The following ERAP2 variants were observed in gnomAD, a reference collection of about 807,000 sequenced individuals.
The protein encoded by ERAP2 is endoplasmic reticulum aminopeptidase 2, also known as leukocyte-derived arginine aminopeptidase.
ERAP2 carries 118 observed loss-of-function variants against 111.1 expected under a neutral mutation model. The ratio of observed to expected loss-of-function variants is 1.06; its 90% CI spans 0.92 to 1.24. The LOEUF (loss-of-function observed/expected upper bound fraction) is 1.24, where lower values mean the gene tolerates loss of function less well. Ranked by LOEUF, ERAP2 falls within the 50% of genes most tolerant of loss-of-function variation. The probability of loss-of-function intolerance (pLI) is 0.00; values close to 1 mark genes in which losing one functional copy is unlikely to be tolerated. For missense variants in ERAP2, 1,131 were observed against 1,125.8 expected (o/e 1.00, Z -0.07); for synonymous variants, 410 against 401.2 (o/e 1.02, Z -0.26).
rs150362528 is a variant in ERAP2 at position 96,878,621 on chromosome 5, T to C, written c.-122-943T>C. On this transcript the variant is annotated intron_variant, in intron 1 of 18. Transcript: ENST00000437043. ...CCAGCCTGGGCAACATGGTGACACA[T>C]TGTCTTTCAAAAAAAATAAAATATG... 9.1e-3 allele frequency among the ~76,000 whole-genome samples: 1,380 copies of C among 151,610 alleles called. 24 individuals carry two copies. Among genetic ancestry groups the C allele is most frequent in the African/African-American group, 0.031 (1,298 of 41,326 alleles).
At chr5:96,913,869 G>T (rs1415898589) in intron 17 of ERAP2, among the ~76,000 whole-genome samples, 5 of 152,156 alleles carry the variant, frequency 3.3e-5, no homozygotes, top group African/African-American at 1.2e-4. Flanking sequence ...AGGAATTTTG[G>T]TAAGAGCTAC....
At chr5:96,877,962 C>T (rs559514413) in intron 1 of ERAP2, among the ~76,000 whole-genome samples, 18 of 152,230 alleles carry the variant, frequency 1.2e-4, no homozygotes, top group African/African-American at 4.3e-4. Flanking sequence ...TGCTGCAGAA[C>T]TTGTTAAGGA....
chr5:96,902,373 AACAGG>A lies in ERAP2; in HGVS notation c.1828+21_1828+25del. ...AGACAGGTAATGAACTAATTAGCCA[AACAGG>A]TATTTCAATGTGGAAATTAAACATG... On this transcript the variant is annotated intron_variant, in intron 12 of 18. Coordinates refer to ENST00000437043, the MANE Select transcript of ERAP2 (RefSeq NM_022350.5). 6.7e-7 allele frequency: 1 copy of A among 1,489,250 alleles called. No individual in the cohort carries two copies. Among genetic ancestry groups the A allele is most frequent in the Admixed American group, 1.7e-5 (1 of 59,746 alleles). The allele number at this position is 1,489,250 out of a possible 1,614,324, so 92.3% of individuals were successfully genotyped here.
chr5:96,890,545 C>A (rs1268613265), intron 5 of ERAP2, among the ~76,000 whole-genome samples: 2 of 152,184 alleles, frequency 1.3e-5, no homozygotes. Context: ...AGTTTCATAG[C>A]ATATAAAGAT....
chr5:96,879,080 G>A (rs1782872384), intron 1 of ERAP2, among the ~76,000 whole-genome samples: 1 of 152,114 alleles, frequency 6.6e-6, no homozygotes, highest in South Asian at 2.1e-4. Context: ...GTAGCCGAGT[G>A]TGGCGGTGTG....
intron 6 of ERAP2, among the ~76,000 whole-genome samples, chr5:96,894,792 C>T (rs1581841402): frequency 6.6e-6 from 1 of 152,124 alleles, no homozygotes; most frequent in East Asian, 1.9e-4. Flanking sequence ...TTATGATTCT[C>T]CTAAGTACCT....
At chr5:96,904,959 T>C (rs1315797718) in intron 13 of ERAP2, among the ~76,000 whole-genome samples, 1 of 152,192 alleles carries the variant, frequency 6.6e-6, no homozygotes, top group African/African-American at 2.4e-5. Context: ...CACTTACTAA[T>C]TTTTTGAGCT....
chr5:96,895,346 C>A lies in ERAP2; in HGVS notation c.1226C>A (p.Pro409Gln). Residue 409 changes from proline (P) to glutamine (Q), a missense_variant, in exon 7 of 19, where the codon CCA becomes CAA. Pro to Gln is a moderately conservative substitution (Grantham distance 76, BLOSUM62 -1). Transcript: ENST00000437043. ...MELIAVNATY[P>Q]ELQFDDYFLN... is the part of the protein sequence containing the mutation. ...CTTATCGCTGTTAATGCTACATATC[C>A]AGAGCTGCAATTTGTAAGTTCACAA... 6.2e-7 allele frequency: 1 copy of A among 1,606,458 alleles called. No homozygotes were observed. Among genetic ancestry groups the A allele is most frequent in the African/African-American group, 1.3e-5 (1 of 74,782 alleles).
chr5:96,899,220 T>A (rs1429008547), intron 9 of ERAP2, among the ~76,000 whole-genome samples: 1 of 109,632 alleles, frequency 9.1e-6, no homozygotes, highest in African/African-American at 3.5e-5. Flanking sequence ...AAATCAGTAC[T>A]TAAAATTTGT....
chr5:96,905,840 T>G (rs1786011384), intron 13 of ERAP2, among the ~76,000 whole-genome samples: 1 of 152,108 alleles, frequency 6.6e-6, no homozygotes, highest in African/African-American at 2.4e-5. Context: ...CCAGCCTGGG[T>G]GACCGAATAA....
intron 13 of ERAP2, among the ~76,000 whole-genome samples, chr5:96,904,941 T>C (rs1373192725): frequency 6.6e-6 from 1 of 152,204 alleles, no homozygotes; most frequent in Non-Finnish European, 1.5e-5. Context: ...TTTCAGGTAT[T>C]ACCTCTTCAC....
At chr5:96,903,243 A>C (rs1785673570) in intron 12 of ERAP2, 134 bp from the exon 13 acceptor site, 1 of 642,016 alleles carries the variant, frequency 1.6e-6, no homozygotes, top group Admixed American at 3.4e-5. Context: ...TACGAAAATG[A>C]ATATCATTAT....
At chr5:96,887,590 G>A (rs1025740823) in intron 4 of ERAP2, among the ~76,000 whole-genome samples, 5 of 151,996 alleles carry the variant, frequency 3.3e-5, no homozygotes, top group African/African-American at 1.2e-4. Flanking sequence ...GTGAGCCACC[G>A]TGCCCGACAG....
upstream of ERAP2, chr5:96,876,037 T>G (rs1230358): frequency 0.64 from 97,152 of 152,154 alleles, 31,369 homozygotes; most frequent in Middle Eastern, 0.73. Context: ...ACATGGAAAA[T>G]CTGAGAATAA....
intron 17 of ERAP2, 107 bp downstream of exon 17, chr5:96,913,564 G>A (rs1787040259): frequency 3.1e-5 from 41 of 1,314,474 alleles, no homozygotes; most frequent in Non-Finnish European, 4.2e-5. Context: ...AATACCATTT[G>A]TATCCAAATA....
intron 13 of ERAP2, among the ~76,000 whole-genome samples, chr5:96,908,354 C>G (rs1581892997): frequency 6.6e-6 from 1 of 152,296 alleles, no homozygotes; most frequent in East Asian, 1.9e-4. Flanking sequence ...GAATAATAAA[C>G]CTGTTATTTA....
At position 96,915,424 on chromosome 5, in the gene ERAP2, A is replaced by C. The variant is rs34359047; in HGVS notation, c.2658-264A>C. Among the ~76,000 whole-genome samples the C allele has an allele frequency of 1.3e-3, 196 of 152,340 alleles. 1 individual carries two copies. Among genetic ancestry groups the C allele is most frequent in the Non-Finnish European group, 1.9e-3 (129 of 68,030 alleles). Reference sequence around the variant, plus strand: ...GGAACACTGCTTTAAACAGAAACATAAAATTAAACATAAACATTGCTGAAT... The same window carrying C: ...GGAACACTGCTTTAAACAGAAACATCAAATTAAACATAAACATTGCTGAAT... On this transcript the variant is annotated intron_variant, in intron 17 of 18. Transcript: ENST00000437043.
At chr5:96,900,021 A>T in intron 9 of ERAP2, 100 bp from the exon 10 acceptor site, 2 of 1,358,610 alleles carry the variant, frequency 1.5e-6, no homozygotes, top group South Asian at 1.3e-5. Context: ...GAATTATTTC[A>T]TATAGCTCTT....
chr5:96,905,490 T>C lies in ERAP2; in HGVS notation c.2012+1930T>C, dbSNP rs76732217. 2.5e-3 allele frequency among the ~76,000 whole-genome samples: 385 copies of C among 152,316 alleles called. 3 individuals carry two copies. In the East Asian group the frequency reaches 0.026, roughly 10 times the overall value. On this transcript the variant is annotated intron_variant, in intron 13 of 18. Coordinates refer to ENST00000437043, the MANE Select transcript of ERAP2 (RefSeq NM_022350.5). ...AAAAGTAATTGTATAAGAAAACAAT[T>C]TAAAGCTCTCATAATAGATAAAAAT...
Sources: allele counts gnomAD v4.1 joint callset (sites outside exome capture counted in the v4.1 genomes callset), GRCh38; gene constraint gnomAD v4.1.1; transcripts MANE v1.5; gene names NCBI Gene and HGNC (gene_info 2026-07-23, HGNC 2026-07-21).